Variants in ZDHHC17 observed in about 807,000 individuals in gnomAD.
ZDHHC17 encodes palmitoyltransferase ZDHHC17.
A neutral mutation model predicts 90.3 loss-of-function variants in ZDHHC17; 40 were observed. That is an observed-to-expected ratio of 0.44 (90% confidence interval 0.34 to 0.58). The LOEUF (loss-of-function observed/expected upper bound fraction) is 0.58. ZDHHC17 is among the 20% of genes least tolerant of loss of function. ZDHHC17 has a pLI of 0.01. For missense variants in ZDHHC17, 614 were observed against 780.8 expected (o/e 0.79, Z 2.55); for synonymous variants, 235 against 252.4 (o/e 0.93, Z 0.65).
chr12:76,766,605 T>G (rs1952434307), intron 1 of ZDHHC17, among the ~76,000 whole-genome samples: 1 of 152,210 alleles, frequency 6.6e-6, no homozygotes, highest in African/African-American at 2.4e-5. Flanking sequence ...TTTAACCTCT[T>G]TTTGGAGAGA....
At chr12:76,806,903 A>G (rs1304435462) in intron 3 of ZDHHC17, among the ~76,000 whole-genome samples, 1 of 152,262 alleles carries the variant, frequency 6.6e-6, no homozygotes, top group Admixed American at 6.5e-5. Context: ...AATGCCAGGT[A>G]AGAGAATTCA....
intron 3 of ZDHHC17, among the ~76,000 whole-genome samples, chr12:76,807,909 T>C (rs1415152150): frequency 6.6e-6 from 1 of 152,230 alleles, no homozygotes; most frequent in African/African-American, 2.4e-5. Context: ...TTCAGCATTA[T>C]ATATAATGTT....
intron 1 of ZDHHC17, chr12:76,764,560 G>A (rs1952408175): frequency 1.7e-6 from 1 of 576,268 alleles, no homozygotes; most frequent in Non-Finnish European, 3.1e-6. Flanking sequence ...GGCTGTGCCT[G>A]GAGGACAGAG....
At chr12:76,818,826 T>A (rs1289133659) in intron 7 of ZDHHC17, among the ~76,000 whole-genome samples, 1 of 152,192 alleles carries the variant, frequency 6.6e-6, no homozygotes, top group East Asian at 1.9e-4. Flanking sequence ...TGGGAAACAT[T>A]TGAAAGGATT....
chr12:76,774,382 G>A lies in ZDHHC17; in HGVS notation c.93+10053G>A, dbSNP rs138489529. Among the ~76,000 whole-genome samples, 198 of 151,898 alleles carry A rather than the reference G, an allele frequency of 1.3e-3. 1 individual carries two copies. Among genetic ancestry groups the A allele is most frequent in the African/African-American group, 4.6e-3 (189 of 41,376 alleles). On this transcript the variant is annotated intron_variant, in intron 1 of 16. Transcript: ENST00000426126. The stretch of plus-strand genomic sequence containing the variant: ...CCCACCCCCAACATCCTTTGAAAGC[G>A]GGTGTCTCTTGTTGAAATAACCCTA...
At chr12:76,787,188 A>G (rs1489052963) in intron 1 of ZDHHC17, among the ~76,000 whole-genome samples, 2 of 151,954 alleles carry the variant, frequency 1.3e-5, no homozygotes, top group Non-Finnish European at 2.9e-5. Context: ...GGCTGCTGAT[A>G]AGAACAGTTG....
At chr12:76,788,908 G>A (rs1759289739) in intron 1 of ZDHHC17, among the ~76,000 whole-genome samples, 1 of 151,750 alleles carries the variant, frequency 6.6e-6, no homozygotes, top group Non-Finnish European at 1.5e-5. Context: ...TGTTGGTCAG[G>A]CTGGTCTCAA....
Position 76,853,353 on chromosome 12 carries a change from A to G in ZDHHC17, c.*2368A>G, listed in dbSNP as rs191557009. 360 of 152,700 alleles carry G rather than the reference A, an allele frequency of 2.4e-3. 3 individuals are homozygous for G. Among genetic ancestry groups the G allele is most frequent in the African/African-American group, 8.0e-3 (332 of 41,566 alleles). 9.5% of individuals were successfully genotyped at this position (152,700 alleles called of 1,614,324 possible). ...TTGTGTATGATGGTGAACCTTTGGG[A>G]ATAGTTCTTATCAACTTAATTGGAT... is the stretch of plus-strand genomic sequence containing the variant. On this transcript the variant is annotated 3_prime_UTR_variant, in exon 17 of 17. Transcript: ENST00000426126.
At chr12:76,804,841 C>T (rs987688285) in intron 2 of ZDHHC17, among the ~76,000 whole-genome samples, 1 of 152,138 alleles carries the variant, frequency 6.6e-6, no homozygotes, top group South Asian at 2.1e-4. Flanking sequence ...TCACTTTCGC[C>T]TTTCCTCGTG....
intron 2 of ZDHHC17, among the ~76,000 whole-genome samples, chr12:76,799,382 C>T (rs1565777184): frequency 6.6e-6 from 1 of 152,112 alleles, no homozygotes; most frequent in Non-Finnish European, 1.5e-5. Flanking sequence ...TGCTTTTGGT[C>T]TCTTAATATC....
rs61663401 is a variant in ZDHHC17 at position 76,788,688 on chromosome 12, A to ATATTTTTT, written c.94-8745_94-8744insATTTTTTT. Reference sequence around the variant, plus strand: ...AAAATATATTTAAGTTGGAATCGCAATTTTTTTTTTTTTTTTTTTTTTTTT... The same window carrying ATATTTTTT: ...AAAATATATTTAAGTTGGAATCGCAATATTTTTTTTTTTTTTTTTTTTTTTTTTTTTTT... On this transcript the variant is annotated intron_variant, in intron 1 of 16. Transcript: ENST00000426126. 2.7e-4 allele frequency among the ~76,000 whole-genome samples: 27 copies of ATATTTTTT among 98,660 alleles called. 4 individuals carry two copies. The highest frequency in any genetic ancestry group is 8.6e-3 in the Middle Eastern group (1 of 116). 64.7% of individuals were successfully genotyped at this position (98,660 alleles called of 152,430 possible). A position where few individuals can be genotyped will look rare whatever the true frequency, so the allele number is the denominator to read the frequency against.
intron 2 of ZDHHC17, among the ~76,000 whole-genome samples, chr12:76,802,890 T>C (rs1952908495): frequency 2.0e-5 from 3 of 152,252 alleles, no homozygotes; most frequent in African/African-American, 4.8e-5. Flanking sequence ...GTAGAAATCA[T>C]GCTTCAAGTA....
intron 7 of ZDHHC17, among the ~76,000 whole-genome samples, chr12:76,821,672 G>T (rs1322324428): frequency 6.6e-6 from 1 of 152,078 alleles, no homozygotes; most frequent in African/African-American, 2.4e-5. Context: ...TGACTAATTT[G>T]CAAAAGGAGA....
intron 15 of ZDHHC17, among the ~76,000 whole-genome samples, chr12:76,849,070 G>A (rs1953528309): frequency 7.3e-6 from 1 of 137,860 alleles, no homozygotes; most frequent in Non-Finnish European, 1.5e-5. Context: ...GATCACTTGA[G>A]CCCAGGAGTT....
In ZDHHC17 at chr12:76,788,764, T is replaced by C. The variant is rs144669520; in HGVS notation, c.94-8670T>C. Among the ~76,000 whole-genome samples the C allele has an allele frequency of 4.0e-4, 57 of 143,638 alleles. No homozygotes were observed. The East Asian group carries it at 0.013, about 32-fold the overall frequency. 94.2% of individuals were successfully genotyped at this position (143,638 alleles called of 152,430 possible). On this transcript the variant is annotated intron_variant, in intron 1 of 16. Coordinates refer to ENST00000426126, the MANE Select transcript of ZDHHC17 (RefSeq NM_015336.4). ...CAGGCTGGAGTGCAGTGGCATGATC[T>C]CTGTTCACTGCAACCTCTGCCTCCC...
At chr12:76,780,156 A>G (rs1565762278) in intron 1 of ZDHHC17, among the ~76,000 whole-genome samples, 1 of 152,198 alleles carries the variant, frequency 6.6e-6, no homozygotes, top group East Asian at 1.9e-4. Context: ...TGTAAATTTT[A>G]GGTTAAACTT....
At chr12:76,811,585 A>T (rs1953022124) in intron 5 of ZDHHC17, among the ~76,000 whole-genome samples, 1 of 152,086 alleles carries the variant, frequency 6.6e-6, no homozygotes, top group Non-Finnish European at 1.5e-5. Flanking sequence ...GATGATGATA[A>T]TGATGATGAT....
Position 76,846,689 on chromosome 12 carries a change from A to G in ZDHHC17, c.1507+10A>G. 1 of 1,596,214 alleles carries G rather than the reference A, an allele frequency of 6.3e-7. No homozygotes were observed. Among genetic ancestry groups the G allele is most frequent in the South Asian group, 1.1e-5 (1 of 88,840 alleles). On this transcript the variant is annotated intron_variant, in intron 14 of 16. Coordinates refer to ENST00000426126, the MANE Select transcript of ZDHHC17 (RefSeq NM_015336.4). ...TATGGTTGTATATCTTGTGAGTACA[A>G]TTAGTTTTCGGTCTTTTTAAAACAA...
At chr12:76,835,374 A>G (rs1953351787) in intron 10 of ZDHHC17, among the ~76,000 whole-genome samples, 1 of 152,082 alleles carries the variant, frequency 6.6e-6, no homozygotes, top group South Asian at 2.1e-4. Flanking sequence ...TTTGATTGAA[A>G]TTCTATTTGA....
Sources: gnomAD v4.1 joint callset for allele counts (sites outside exome capture counted in the v4.1 genomes callset) on GRCh38, gnomAD v4.1.1 for gene constraint, MANE v1.5 for transcripts, NCBI Gene and HGNC (gene_info 2026-07-23, HGNC 2026-07-21) for gene names.